Variants in EYS observed in about 807,000 individuals in gnomAD.
The protein encoded by EYS is EGF-like photoreceptor maintenance factor.
Under a neutral mutation model 282.1 loss-of-function variants are expected in EYS, and 250 were observed. That is an observed-to-expected ratio of 0.89 (90% CI 0.80 to 0.98). The LOEUF is 0.98. EYS is among the 50% of genes least tolerant of loss of function. The pLI is 0.00. For missense variants in EYS, 4,016 were observed against 3,709.0 expected, an observed-to-expected ratio of 1.08 and a Z score of -2.15; for synonymous variants, 1,355 against 1,282.9, an observed-to-expected ratio of 1.06 and a Z score of -1.20.
intron 41 of EYS, among the ~76,000 whole-genome samples, chr6:63,761,774 G>A (rs935828389): frequency 6.6e-6 from 1 of 151,812 alleles, no homozygotes; most frequent in African/African-American, 2.4e-5. Context: ...ATGGCAGGTG[G>A]GTCCTTATGT....
chr6:64,618,420 C>T (rs547996982), intron 23 of EYS, among the ~76,000 whole-genome samples: 3 of 152,284 alleles, frequency 2.0e-5, no homozygotes, highest in Non-Finnish European at 2.9e-5. Flanking sequence ...GCAGCTCTCA[C>T]TGCTCACTGA....
chr6:65,219,118 G>A (rs367734465), intron 12 of EYS, among the ~76,000 whole-genome samples: 1 of 151,906 alleles, frequency 6.6e-6, no homozygotes. Flanking sequence ...ATATTTTAGG[G>A]GGCTCATAAT....
chr6:64,342,036 A>G (rs1480446263), intron 29 of EYS, among the ~76,000 whole-genome samples: 1 of 151,624 alleles, frequency 6.6e-6, no homozygotes, highest in Non-Finnish European at 1.5e-5. Flanking sequence ...CACAATAGAA[A>G]CTAGATTTCT....
At chr6:64,465,839 T>G (rs1420376003) in intron 26 of EYS, among the ~76,000 whole-genome samples, 1 of 152,044 alleles carries the variant, frequency 6.6e-6, no homozygotes, top group Non-Finnish European at 1.5e-5. Context: ...GAGAAAATAT[T>G]TGGAAACCAT....
At chr6:64,174,975 G>A (rs1464379683) in intron 31 of EYS, among the ~76,000 whole-genome samples, 2 of 152,014 alleles carry the variant, frequency 1.3e-5, no homozygotes, top group African/African-American at 4.8e-5. Context: ...AAGGTTGTTA[G>A]AAATACCCAT....
chr6:65,018,318 C>T (rs922595982), intron 13 of EYS, among the ~76,000 whole-genome samples: 2 of 152,072 alleles, frequency 1.3e-5, no homozygotes, highest in Non-Finnish European at 2.9e-5. Flanking sequence ...TGTTCCATGT[C>T]TCTCCTCTAG....
chr6:64,842,311 A>G (rs1351730500), intron 19 of EYS, among the ~76,000 whole-genome samples: 2 of 151,552 alleles, frequency 1.3e-5, no homozygotes, highest in Non-Finnish European at 2.9e-5. Flanking sequence ...CAAATTTCCA[A>G]TAAGGTTACT....
chr6:64,269,921 AT>A (rs1446426782), intron 30 of EYS, among the ~76,000 whole-genome samples: 1 of 152,170 alleles, frequency 6.6e-6, no homozygotes, highest in Admixed American at 6.5e-5. Flanking sequence ...AAAAAGGACA[AT>A]TCCTATTTTT....
intron 5 of EYS, among the ~76,000 whole-genome samples, chr6:65,446,602 T>C (rs1768666540): frequency 6.6e-6 from 1 of 151,730 alleles, no homozygotes; most frequent in Admixed American, 6.6e-5. Flanking sequence ...GTTGAGAAAG[T>C]ATTAACTTGA....
At chr6:65,674,876 T>C (rs886348837) in intron 1 of EYS, among the ~76,000 whole-genome samples, 22 of 152,032 alleles carry the variant, frequency 1.4e-4, no homozygotes, top group African/African-American at 5.1e-4. Context: ...CACTTTTAGT[T>C]CTGGTGTATA....
chr6:65,091,953 G>A (rs922600031), intron 12 of EYS, among the ~76,000 whole-genome samples: 9 of 151,900 alleles, frequency 5.9e-5, no homozygotes, highest in Non-Finnish European at 1.3e-4. Context: ...TCAGCTACCC[G>A]CCACCCATCT....
intron 2 of EYS, among the ~76,000 whole-genome samples, chr6:65,509,865 T>C (rs899095882): frequency 6.6e-6 from 1 of 152,168 alleles, no homozygotes; most frequent in Non-Finnish European, 1.5e-5. Flanking sequence ...TGACTTCTTC[T>C]AGATGTTAAC....
chr6:64,212,006 C>G (rs1765795093), intron 31 of EYS, among the ~76,000 whole-genome samples: 1 of 151,906 alleles, frequency 6.6e-6, no homozygotes, highest in Admixed American at 6.6e-5. Flanking sequence ...ATCCCAGCTA[C>G]TCAGGAGGCT....
At chr6:64,740,816 C>A (rs1277681459) in intron 22 of EYS, among the ~76,000 whole-genome samples, 1 of 151,990 alleles carries the variant, frequency 6.6e-6, no homozygotes, top group Admixed American at 6.6e-5. Context: ...TGGGTTCACA[C>A]CATTCTCCTG....
intron 12 of EYS, among the ~76,000 whole-genome samples, chr6:65,073,581 G>C: frequency 6.6e-6 from 1 of 151,532 alleles, no homozygotes; most frequent in South Asian, 2.1e-4. Context: ...ATAAAAATTA[G>C]AGGAAAATGA....
chr6:65,674,954 A>ACAT (rs77992630), intron 1 of EYS, among the ~76,000 whole-genome samples: 123,926 of 151,596 alleles, frequency 0.82, 50,743 homozygotes, highest in East Asian at 0.85. Context: ...TATAATTGTG[A>ACAT]CAGTAACAGA....
At chr6:65,628,441 A>C (rs1766796320) in intron 2 of EYS, among the ~76,000 whole-genome samples, 1 of 152,190 alleles carries the variant, frequency 6.6e-6, no homozygotes, top group Non-Finnish European at 1.5e-5. Flanking sequence ...CAGGCTGCCC[A>C]AGCCAGCAAT....
chr6:63,763,930 G>A (rs913464061), intron 40 of EYS, among the ~76,000 whole-genome samples: 1 of 146,714 alleles, frequency 6.8e-6, no homozygotes, highest in Non-Finnish European at 1.5e-5. Flanking sequence ...TCAGGGCACC[G>A]TGTGTTTATT....
At chr6:65,583,972 A>T (rs1336359273) in intron 2 of EYS, among the ~76,000 whole-genome samples, 1 of 152,020 alleles carries the variant, frequency 6.6e-6, no homozygotes, top group Non-Finnish European at 1.5e-5. Context: ...TAAAATAAAA[A>T]AAAAAAATTT....
Sources: allele counts gnomAD v4.1 joint callset (sites outside exome capture counted in the v4.1 genomes callset), GRCh38; gene constraint gnomAD v4.1.1; transcripts MANE v1.5; gene names NCBI Gene and HGNC (gene_info 2026-07-23, HGNC 2026-07-21).